ZNF592: variants seen among roughly 807,000 people sequenced by gnomAD.
ZNF592 encodes zinc finger protein 592.
ZNF592 carries 11 observed loss-of-function variants against 80.3 expected under a neutral mutation model. The ratio of observed to expected loss-of-function variants is 0.14; its 90% CI spans 0.09 to 0.23. The LOEUF (loss-of-function observed/expected upper bound fraction) is 0.23, where lower values mean the gene tolerates loss of function less well. Among genes scored for constraint, ZNF592 ranks in the 10% least tolerant of loss-of-function variants. The pLI is 1.00. For missense variants in ZNF592, 1,420 were observed against 1,633.9 expected, an observed-to-expected ratio of 0.87 and a Z score of 2.26; for synonymous variants, 646 against 640.3, an observed-to-expected ratio of 1.01 and a Z score of -0.13.
chr15:84,800,527 G>T (rs928691372), intron 10 of ZNF592, among the ~76,000 whole-genome samples: 4 of 152,140 alleles, frequency 2.6e-5, no homozygotes, highest in African/African-American at 9.7e-5. Flanking sequence ...ACCATGGTAG[G>T]GGGGTGCTGT....
At chr15:84,760,312 C>G (rs1467273351) in intron 1 of ZNF592, among the ~76,000 whole-genome samples, 1 of 152,184 alleles carries the variant, frequency 6.6e-6, no homozygotes, top group Non-Finnish European at 1.5e-5. Context: ...TCTCTTCCTT[C>G]TTGTTCATCC....
At chr15:84,754,740 C>G (rs1384897861) in intron 1 of ZNF592, among the ~76,000 whole-genome samples, 2 of 151,526 alleles carry the variant, frequency 1.3e-5, no homozygotes, top group Admixed American at 1.3e-4. Flanking sequence ...ATGGTGGCTC[C>G]CTTTCTCTCA....
At chr15:84,767,643 T>C (rs1442853656) in intron 2 of ZNF592, among the ~76,000 whole-genome samples, 1 of 152,150 alleles carries the variant, frequency 6.6e-6, no homozygotes, top group African/African-American at 2.4e-5. Flanking sequence ...GTCAGCTCTG[T>C]GTAAACTGTG....
rs72491489 is a variant in ZNF592 at position 84,779,984 on chromosome 15, G to GTTTTTTTTTTTTTTTTTT, written c.-20+1676_-20+1677insTTTTTTTTTTTTTTTTTT. 2.3e-5 allele frequency among the ~76,000 whole-genome samples: 3 copies of GTTTTTTTTTTTTTTTTTT among 131,762 alleles called. 1 individual carries two copies. Among genetic ancestry groups the GTTTTTTTTTTTTTTTTTT allele is most frequent in the African/African-American group, 8.5e-5 (3 of 35,248 alleles). 86.4% of individuals were successfully genotyped at this position (131,762 alleles called of 152,430 possible). Reference sequence around the variant, plus strand: ...CCCCTCAATCTTTTTTTCCTAGACAGTTTTGTTTTTTTTTTTTTTTGAGTT... The same window carrying GTTTTTTTTTTTTTTTTTT: ...CCCCTCAATCTTTTTTTCCTAGACAGTTTTTTTTTTTTTTTTTTTTTTGTTTTTTTTTTTTTTTGAGTT... On this transcript the variant is annotated intron_variant, in intron 3 of 10. Coordinates refer to ENST00000560079, the MANE Select transcript of ZNF592 (RefSeq NM_014630.3).
Position 84,784,277 on chromosome 15 carries a change from A to C in ZNF592, c.1602A>C (p.Thr534=). ...SVQRRSQPQL[T]QMSVPLVHQV... ...AAAGACGGAGCCAGCCACAGCTTAC[A>C]CAAATGTCGGTGCCCCTGGTCCACC... The change falls in exon 4 of 11, where the codon ACA becomes ACC. Residue 534 remains threonine (T), a synonymous_variant. Transcript: ENST00000560079. This position sits in a 1 kb window ranked among gnomAD's most constrained non-coding sequence, Gnocchi z 5.8. 1 of 1,614,220 alleles carries C rather than the reference A, an allele frequency of 6.2e-7. No individual in the cohort carries two copies. The highest frequency in any genetic ancestry group is 8.5e-7 in the Non-Finnish European group (1 of 1,180,036).
Position 84,783,972 on chromosome 15 carries a change from C to G in ZNF592, c.1297C>G (p.Pro433Ala), listed in dbSNP as rs267604351. 6.2e-7 allele frequency: 1 copy of G among 1,612,780 alleles called. No homozygotes were observed. The highest frequency in any genetic ancestry group is 1.3e-5 in the African/African-American group (1 of 74,996). The change falls in exon 4 of 11, where the codon CCT becomes GCT. Residue 433 changes from proline (P) to alanine (A), a missense_variant. Around this residue, in one of 7 missense-constraint regions of ZNF592, gnomAD observed 524 missense variants for 628.3 expected, o/e 0.83. Coordinates refer to ENST00000560079, the MANE Select transcript of ZNF592 (RefSeq NM_014630.3). This position sits in a 1 kb window ranked among gnomAD's most constrained non-coding sequence, Gnocchi z 5.0. ...TGAGGTGCCTGTGGAAGAGCACTTT[C>G]CTGAGGCAGGCACAAATTCAGGGAG... ...GDEVPVEEHF[P>A]EAGTNSGSPQ...
At chr15:84,778,001 A>G (rs1399597075) in intron 2 of ZNF592, among the ~76,000 whole-genome samples, 182 bp from the exon 3 acceptor site, 2 of 152,064 alleles carry the variant, frequency 1.3e-5, no homozygotes, top group Non-Finnish European at 2.9e-5. Context: ...CCCGGCCTAG[A>G]TACTTTTAAC....
Position 84,784,556 on chromosome 15 carries a change from C to T in ZNF592, c.1881C>T (p.Phe627=). The part of the protein sequence containing the change: ...CTLCSKTLLF[F]NKCSLLRHAR... ...TGTGCTCCAAGACGCTGCTCTTCTTCAACAAGTGCAGCCTGCTCCGGCACG... is the reference window on the plus strand; with the variant it reads ...TGTGCTCCAAGACGCTGCTCTTCTTTAACAAGTGCAGCCTGCTCCGGCACG... Residue 627 remains phenylalanine (F), a synonymous_variant, in exon 4 of 11, where the codon TTC becomes TTT. Coordinates refer to ENST00000560079, the MANE Select transcript of ZNF592 (RefSeq NM_014630.3). The surrounding 1 kb of genome is among the most constrained non-coding windows in gnomAD (Gnocchi z 5.8). 1 of 1,614,216 alleles carries T rather than the reference C, an allele frequency of 6.2e-7. No individual in the cohort carries two copies. Among genetic ancestry groups the T allele is most frequent in the Non-Finnish European group, 8.5e-7 (1 of 1,180,044 alleles).
At chr15:84,755,501 A>G (rs1899144754) in intron 1 of ZNF592, among the ~76,000 whole-genome samples, 1 of 151,884 alleles carries the variant, frequency 6.6e-6, no homozygotes. Flanking sequence ...CCACAGGCTC[A>G]TCCAGAGAAC....
chr15:84,779,610 C>T (rs549917900), intron 3 of ZNF592, among the ~76,000 whole-genome samples: 1 of 152,224 alleles, frequency 6.6e-6, no homozygotes, highest in South Asian at 2.1e-4. Context: ...CCTTGGCCTC[C>T]CAAAGTGCTA....
At chr15:84,766,477 T>C (rs1446591640) in intron 2 of ZNF592, among the ~76,000 whole-genome samples, 1 of 152,152 alleles carries the variant, frequency 6.6e-6, no homozygotes, top group African/African-American at 2.4e-5. Context: ...ACTTTCTTGC[T>C]GAAGGCTGGC....
At chr15:84,759,958 C>A (rs1005436931) in intron 1 of ZNF592, among the ~76,000 whole-genome samples, 3 of 40,864 alleles carry the variant, frequency 7.3e-5, no homozygotes, top group Admixed American at 2.1e-4. Context: ...GGAGATTCCC[C>A]CCCCCCCCAC....
chr15:84,754,569 AAAG>A (rs1899109106), intron 1 of ZNF592: 1 of 151,754 alleles, frequency 6.6e-6, no homozygotes, highest in African/African-American at 2.4e-5. Flanking sequence ...TTCAAAAAAA[AAAG>A]GTGATGATGG....
At chr15:84,775,119 A>G (rs917614042) in intron 2 of ZNF592, among the ~76,000 whole-genome samples, 1 of 150,612 alleles carries the variant, frequency 6.6e-6, no homozygotes, top group Non-Finnish European at 1.5e-5. Context: ...TTCCTAAGAT[A>G]GGGTCTCGCT....
chr15:84,806,071 A>G lies in ZNF592; in HGVS notation c.*3678A>G, dbSNP rs1173993562. The G allele has an allele frequency of 6.6e-6, 1 of 152,646 alleles. No homozygotes were observed. The highest frequency in any genetic ancestry group is 6.5e-5 in the Admixed American group (1 of 15,284). The allele number at this position is 152,646 out of a possible 1,614,324, so 9.5% of individuals were successfully genotyped here. On this transcript the variant is annotated 3_prime_UTR_variant, in exon 11 of 11. Coordinates refer to ENST00000560079, the MANE Select transcript of ZNF592 (RefSeq NM_014630.3). ...GTAATTCTTTAAAAGTTCCTTGCAT[A>G]TAACAGTGATTCAAAAAGTATATGG...
In ZNF592 at chr15:84,783,625, A is replaced by G. The variant is rs1325516019; in HGVS notation, c.950A>G (p.Glu317Gly). 1 of 1,614,070 alleles carries G rather than the reference A, an allele frequency of 6.2e-7. No homozygotes were observed. The highest frequency in any genetic ancestry group is 2.2e-5 in the East Asian group (1 of 44,890). ...AAGGATCTCTCAGGGCCCACTAAAG[A>G]GAGTTCTAAAGGTAGCCCCAAAATG... Reference protein sequence around the residue: ...HTKDLSGPTKESSKGSPKMPK... With the variant: ...HTKDLSGPTKGSSKGSPKMPK... The change falls in exon 4 of 11, where the codon GAG (glutamate) becomes GGG (glycine). Residue 317 changes from glutamate to glycine, a missense_variant. Glu to Gly is a moderately conservative substitution (Grantham distance 98). Transcript: ENST00000560079. This position sits in a 1 kb window ranked among gnomAD's most constrained non-coding sequence, Gnocchi z 5.0.
chr15:84,768,218 C>A (rs1316708587), intron 2 of ZNF592, among the ~76,000 whole-genome samples: 1 of 142,200 alleles, frequency 7.0e-6, no homozygotes, highest in Non-Finnish European at 1.5e-5. Flanking sequence ...CCTTTTCTTT[C>A]TTTCTTTCTT....
Position 84,790,580 on chromosome 15 carries a change from G to C in ZNF592, c.2221-125G>C, listed in dbSNP as rs948509918. 7.3e-6 allele frequency: 7 copies of C among 954,630 alleles called. No homozygotes were observed. In the African/African-American group the frequency reaches 9.7e-5, roughly 13 times the overall value. 59.1% of individuals were successfully genotyped at this position (954,630 alleles called of 1,614,324 possible). On this transcript the variant is annotated intron_variant, in intron 4 of 10. Transcript: ENST00000560079. ...GGTGTCAGAAGTGTCCAGGAGAGTTGGAAGAGAGAGTGGTTGGGGGAAGGG... is the reference window on the plus strand; with the variant it reads ...GGTGTCAGAAGTGTCCAGGAGAGTTCGAAGAGAGAGTGGTTGGGGGAAGGG...
At chr15:84,758,027 C>A (rs1899230140) in intron 1 of ZNF592, among the ~76,000 whole-genome samples, 1 of 150,180 alleles carries the variant, frequency 6.7e-6, no homozygotes, top group African/African-American at 2.5e-5. Flanking sequence ...GGCTAGAGTG[C>A]AGTGGCAAGA....
Sources: allele counts gnomAD v4.1 joint callset (sites outside exome capture counted in the v4.1 genomes callset), GRCh38; gene constraint gnomAD v4.1.1; regional missense constraint gnomAD v4.1.1; non-coding constraint Gnocchi (gnomAD v3.1); transcripts MANE v1.5; gene names NCBI Gene and HGNC (gene_info 2026-07-23, HGNC 2026-07-21).